FMNL2: variants seen among roughly 807,000 people sequenced by gnomAD.
FMNL2 encodes the protein formin-like protein 2.
FMNL2 carries 51 observed loss-of-function variants against 130.2 expected under a neutral mutation model. The ratio of observed to expected loss-of-function variants is 0.39; its 90% CI spans 0.31 to 0.49. The LOEUF is 0.49. Ranked by LOEUF, FMNL2 falls within the 20% of genes least tolerant of loss-of-function variation. The probability of loss-of-function intolerance (pLI) is 0.85; values close to 1 mark genes in which losing one functional copy is unlikely to be tolerated. For synonymous variants in FMNL2, 465 were observed against 467.1 expected (o/e 1.00, Z 0.06); for missense variants, 977 against 1,316.2 (o/e 0.74, Z 3.99).
chr2:152,639,840 A>T, intron 23 of FMNL2, 118 bp from the exon 24 acceptor site: 1 of 621,408 alleles, frequency 1.6e-6, no homozygotes, highest in Non-Finnish European at 2.4e-6. Context: ...AGATCTTCTC[A>T]ACCTTCCATT....
chr2:152,614,757 C>CAAAAA, intron 11 of FMNL2, 94 bp from the exon 12 acceptor site: 1 of 1,393,530 alleles, frequency 7.2e-7, no homozygotes. Flanking sequence ...CAAAACAAAA[C>CAAAAA]AAAACAAAAA....
At chr2:152,641,566 G>C (rs1438560900) in intron 25 of FMNL2, among the ~76,000 whole-genome samples, 1 of 152,178 alleles carries the variant, frequency 6.6e-6, no homozygotes, top group Non-Finnish European at 1.5e-5. Context: ...CATGAATGTT[G>C]CTTATAAGCT....
chr2:152,428,929 C>T (rs1359390773), intron 1 of FMNL2, among the ~76,000 whole-genome samples: 1 of 152,080 alleles, frequency 6.6e-6, no homozygotes, highest in African/African-American at 2.4e-5. Flanking sequence ...ATAGTTAAAG[C>T]TTGCATGTTC....
At chr2:152,479,953 C>A (rs1690401364) in intron 1 of FMNL2, among the ~76,000 whole-genome samples, 1 of 152,062 alleles carries the variant, frequency 6.6e-6, no homozygotes, top group South Asian at 2.1e-4. Context: ...GTATGTCCTG[C>A]TTTACAGGTA....
chr2:152,619,212 C>A (rs1699107146), intron 14 of FMNL2, 54 bp downstream of exon 14: 2 of 1,494,138 alleles, frequency 1.3e-6, no homozygotes, highest in African/African-American at 2.8e-5. Flanking sequence ...TGTATTTCTT[C>A]TTTTGCCAAC....
chr2:152,369,148 A>T (rs1683730731), intron 1 of FMNL2, among the ~76,000 whole-genome samples: 1 of 152,248 alleles, frequency 6.6e-6, no homozygotes, highest in African/African-American at 2.4e-5. Context: ...GTTTTAAAGG[A>T]AGAATGTTTG....
At chr2:152,413,532 A>G (rs1686436706) in intron 1 of FMNL2, among the ~76,000 whole-genome samples, 1 of 152,002 alleles carries the variant, frequency 6.6e-6, no homozygotes, top group Non-Finnish European at 1.5e-5. Flanking sequence ...GGAGGAGGAG[A>G]AGGTGGGGCA....
chr2:152,625,460 C>G lies in FMNL2; in HGVS notation c.1860C>G (p.Ile620Met), dbSNP rs755451829. ...TAGCTGTGAAAATTAAGAAGCCAATCAAGACGAAGTTCAGAATGCCAGTGT... is the reference window on the plus strand; with the variant it reads ...TAGCTGTGAAAATTAAGAAGCCAATGAAGACGAAGTTCAGAATGCCAGTGT... The part of the protein sequence containing the change: ...GLAAVKIKKP[I>M]KTKFRMPVFN... The change falls in exon 16 of 26, where the codon ATC becomes ATG. Residue 620 changes from isoleucine (I) to methionine (M), a missense_variant. Ile to Met is a conservative substitution (Grantham distance 10, BLOSUM62 1). Around this residue, in one of 4 missense-constraint regions of FMNL2, gnomAD observed 689 missense variants for 995.9 expected, o/e 0.69. Coordinates refer to ENST00000288670, the MANE Select transcript of FMNL2 (RefSeq NM_052905.4). 8.7e-6 allele frequency: 14 copies of G among 1,610,350 alleles called. No individual in the cohort carries two copies. Among genetic ancestry groups the G allele is most frequent in the Non-Finnish European group, 1.1e-5 (13 of 1,176,836 alleles).
rs1261473308 is a variant in FMNL2 at position 152,335,549 on chromosome 2, T to C, written c.-55T>C. 7.5e-6 allele frequency: 11 copies of C among 1,473,882 alleles called. No individual in the cohort carries two copies. Among genetic ancestry groups the C allele is most frequent in the Non-Finnish European group, 9.2e-6 (10 of 1,083,482 alleles). The allele number at this position is 1,473,882 out of a possible 1,614,324, so 91.3% of individuals were successfully genotyped here. On this transcript the variant is annotated 5_prime_UTR_variant, in exon 1 of 26. Coordinates refer to ENST00000288670, the MANE Select transcript of FMNL2 (RefSeq NM_052905.4). Reference sequence around the variant, plus strand: ...CCGACCGCCGGGAGCTGTTCTGATTTCCGACGCGCACGCTAGGGGCCCGGA... The same window carrying C: ...CCGACCGCCGGGAGCTGTTCTGATTCCCGACGCGCACGCTAGGGGCCCGGA...
intron 6 of FMNL2, among the ~76,000 whole-genome samples, chr2:152,562,823 A>G (rs191038663): frequency 1.3e-5 from 2 of 152,308 alleles, no homozygotes; most frequent in African/African-American, 4.8e-5. Flanking sequence ...TGGTACTGGA[A>G]TGGAAATTCT....
At position 152,601,663 on chromosome 2, in the gene FMNL2, TTTTC is replaced by T. The variant is rs1241201390; in HGVS notation, c.877-5668_877-5665del. Reference sequence around the variant, plus strand: ...TTATCTAAGGCTCTCTTTTCTTTTCTTTTCTTTCTTTTTTTTTTTTTTTTGAGAC... The same window carrying T: ...TTATCTAAGGCTCTCTTTTCTTTTCTTTTCTTTTTTTTTTTTTTTTGAGAC... On this transcript the variant is annotated intron_variant, in intron 9 of 25. Coordinates refer to ENST00000288670, the MANE Select transcript of FMNL2 (RefSeq NM_052905.4). Among the ~76,000 whole-genome samples, 264 of 80,920 alleles carry T rather than the reference TTTTC, an allele frequency of 3.3e-3. 1 individual carries two copies. Among genetic ancestry groups the T allele is most frequent in the African/African-American group, 6.0e-3 (157 of 26,336 alleles). 53.1% of individuals were successfully genotyped at this position (80,920 alleles called of 152,430 possible).
intron 1 of FMNL2, among the ~76,000 whole-genome samples, chr2:152,485,541 C>T (rs1168481089): frequency 6.6e-6 from 1 of 152,142 alleles, no homozygotes; most frequent in Non-Finnish European, 1.5e-5. Context: ...GACTCTCTGC[C>T]TGTCATAGAT....
chr2:152,481,849 T>C (rs780701821), intron 1 of FMNL2, among the ~76,000 whole-genome samples: 8 of 152,188 alleles, frequency 5.3e-5, no homozygotes, highest in Non-Finnish European at 1.0e-4. Flanking sequence ...TCGGGAAAAT[T>C]AGTTGCATAA....
chr2:152,625,384 G>A (rs1681710441), intron 15 of FMNL2, 54 bp from the exon 16 acceptor site: 20 of 1,565,178 alleles, frequency 1.3e-5, no homozygotes, highest in Non-Finnish European at 1.7e-5. Flanking sequence ...GATTGTTCCT[G>A]AGGGTCGTAG....
At chr2:152,340,782 C>T (rs919858421) in intron 1 of FMNL2, among the ~76,000 whole-genome samples, 1 of 152,132 alleles carries the variant, frequency 6.6e-6, no homozygotes, top group Admixed American at 6.5e-5. Flanking sequence ...ACCTCTGCTA[C>T]CCGGGTTCAA....
At chr2:152,548,360 A>G in intron 3 of FMNL2, among the ~76,000 whole-genome samples, 1 of 152,178 alleles carries the variant, frequency 6.6e-6, no homozygotes, top group East Asian at 1.9e-4. Flanking sequence ...CCATTTCCTG[A>G]TAAGACTGTT....
At chr2:152,635,016 T>G (rs1431744311) in intron 21 of FMNL2, among the ~76,000 whole-genome samples, 1 of 152,174 alleles carries the variant, frequency 6.6e-6, no homozygotes, top group Non-Finnish European at 1.5e-5. Flanking sequence ...GATTCTCATA[T>G]AAAATCCATT....
chr2:152,401,898 C>CTTTTTT (rs70974858), intron 1 of FMNL2, among the ~76,000 whole-genome samples: 102 of 78,562 alleles, frequency 1.3e-3, no homozygotes, highest in Non-Finnish European at 1.5e-3. Context: ...TGTGTTTAAT[C>CTTTTTT]TTTTTTTTTT....
chr2:152,351,397 G>A (rs142722251), intron 1 of FMNL2, among the ~76,000 whole-genome samples: 5 of 152,062 alleles, frequency 3.3e-5, no homozygotes, highest in African/African-American at 1.2e-4. Context: ...TTCCCCTCCC[G>A]GTGTCCATGT....
Sources: gnomAD v4.1 joint callset for allele counts (sites outside exome capture counted in the v4.1 genomes callset) on GRCh38, gnomAD v4.1.1 for gene constraint, gnomAD v4.1.1 regional missense constraint, MANE v1.5 for transcripts, NCBI Gene and HGNC (gene_info 2026-07-23, HGNC 2026-07-21) for gene names.